IMMP2L: variants seen among roughly 807,000 people sequenced by gnomAD.
IMMP2L encodes inner mitochondrial membrane peptidase subunit 2.
Under a neutral mutation model 19.3 loss-of-function variants are expected in IMMP2L, and 18 were observed. The observed-to-expected ratio is 0.93, with a 90% confidence interval of 0.64 to 1.38. The LOEUF (loss-of-function observed/expected upper bound fraction) is 1.38. Among genes scored for constraint, IMMP2L ranks in the 40% most tolerant of loss-of-function variants. The pLI is 0.00. For missense variants in IMMP2L, 233 were observed against 218.2 expected, an observed-to-expected ratio of 1.07 and a Z score of -0.43; for synonymous variants, 76 against 73.0, an observed-to-expected ratio of 1.04 and a Z score of -0.21.
At chr7:110,994,957 G>A (rs924498003) in intron 3 of IMMP2L, among the ~76,000 whole-genome samples, 6 of 152,100 alleles carry the variant, frequency 3.9e-5, no homozygotes, top group African/African-American at 1.2e-4. Flanking sequence ...TCTGGACCTA[G>A]TAAGAAAATA....
intron 4 of IMMP2L, among the ~76,000 whole-genome samples, chr7:110,903,203 T>C (rs188020821): frequency 3.9e-5 from 6 of 152,328 alleles, no homozygotes; most frequent in African/African-American, 1.2e-4. Context: ...TATTTGAGTA[T>C]ACGTGGTATG....
intron 3 of IMMP2L, among the ~76,000 whole-genome samples, chr7:111,034,884 G>C (rs1042527435): frequency 4.6e-5 from 7 of 152,104 alleles, no homozygotes; most frequent in African/African-American, 7.2e-5. Context: ...TTAATACTTA[G>C]TAAGAGCTGA....
rs147616373 is a variant in IMMP2L at position 110,955,028 on chromosome 7, C to T, written c.305+8472G>A. On this transcript the variant is annotated intron_variant, in intron 4 of 5. Coordinates refer to ENST00000405709, the MANE Select transcript of IMMP2L (RefSeq NM_032549.4). The stretch of plus-strand genomic sequence containing the variant: ...TGCTAAACTGTTTACACAAATAATG[C>T]GTTTTTTAATCGACATTTTTCACAT... Among the ~76,000 whole-genome samples the T allele has an allele frequency of 5.1e-3, 770 of 151,970 alleles. 10 individuals are homozygous for T. Among genetic ancestry groups the T allele is most frequent in the African/African-American group, 0.018 (741 of 41,456 alleles).
chr7:110,680,392 T>G (rs1204589215), intron 5 of IMMP2L, among the ~76,000 whole-genome samples: 1 of 152,176 alleles, frequency 6.6e-6, no homozygotes. Context: ...CACCCTAGAA[T>G]GACACTTCGA....
At chr7:111,253,735 A>G (rs1444652874) in intron 3 of IMMP2L, among the ~76,000 whole-genome samples, 1 of 152,176 alleles carries the variant, frequency 6.6e-6, no homozygotes, top group Admixed American at 6.6e-5. Flanking sequence ...TAAGGCTCTC[A>G]AAGACTGCCA....
chr7:111,454,489 C>T (rs1213914150), intron 3 of IMMP2L, among the ~76,000 whole-genome samples: 1 of 152,030 alleles, frequency 6.6e-6, no homozygotes, highest in Non-Finnish European at 1.5e-5. Context: ...TATTCATTCT[C>T]AACTCACTAA....
intron 3 of IMMP2L, among the ~76,000 whole-genome samples, chr7:111,108,793 A>G (rs773590189): frequency 4.6e-5 from 7 of 152,180 alleles, no homozygotes; most frequent in Non-Finnish European, 8.8e-5. Flanking sequence ...AACAAAACAA[A>G]GGTCACAAAT....
At chr7:111,542,534 C>T (rs1848585122) in intron 1 of IMMP2L, among the ~76,000 whole-genome samples, 1 of 152,092 alleles carries the variant, frequency 6.6e-6, no homozygotes, top group Non-Finnish European at 1.5e-5. Flanking sequence ...ACCCTGTAAA[C>T]TAGGTATTTA....
chr7:110,934,328 G>A (rs1028019127), intron 4 of IMMP2L, among the ~76,000 whole-genome samples: 1 of 152,114 alleles, frequency 6.6e-6, no homozygotes, highest in Admixed American at 6.6e-5. Context: ...GATTTGGGGT[G>A]GAGAGTTCTG....
intron 5 of IMMP2L, among the ~76,000 whole-genome samples, chr7:110,825,240 T>C (rs570433453): frequency 3.9e-5 from 6 of 152,034 alleles, no homozygotes; most frequent in Non-Finnish European, 7.4e-5. Context: ...AGAATCAATA[T>C]CGTGAAAATG....
chr7:110,761,032 G>A (rs1798321418), intron 5 of IMMP2L, among the ~76,000 whole-genome samples: 1 of 152,142 alleles, frequency 6.6e-6, no homozygotes, highest in South Asian at 2.1e-4. Flanking sequence ...ATGAGTAAGG[G>A]AGAATGAGAG....
At chr7:111,049,169 C>T (rs1310067193) in intron 3 of IMMP2L, among the ~76,000 whole-genome samples, 3 of 119,434 alleles carry the variant, frequency 2.5e-5, no homozygotes, top group Non-Finnish European at 4.8e-5. Context: ...CTCGCTCTGT[C>T]GCCCAGGCTG....
At position 111,058,109 on chromosome 7, in the gene IMMP2L, T is replaced by G. The variant is rs559674810; in HGVS notation, c.240-94544A>C. On this transcript the variant is annotated intron_variant, in intron 3 of 5. Coordinates refer to ENST00000405709, the MANE Select transcript of IMMP2L (RefSeq NM_032549.4). ...AATTAAAAATTATAATGCCTTAAATTTCCACAAACACATGAATTTATCTAT... is the reference window on the plus strand; with the variant it reads ...AATTAAAAATTATAATGCCTTAAATGTCCACAAACACATGAATTTATCTAT... Among the ~76,000 whole-genome samples, 639 of 152,252 alleles carry G rather than the reference T, an allele frequency of 4.2e-3. 4 individuals are homozygous for G. Among genetic ancestry groups the G allele is most frequent in the African/African-American group, 0.015 (615 of 41,560 alleles).
At chr7:111,495,549 A>G (rs957644573) in intron 2 of IMMP2L, among the ~76,000 whole-genome samples, 2 of 152,280 alleles carry the variant, frequency 1.3e-5, no homozygotes, top group East Asian at 3.9e-4. Context: ...AAGGTATCCT[A>G]AATCCTCAGC....
chr7:110,805,869 G>A (rs78499836), intron 5 of IMMP2L, among the ~76,000 whole-genome samples: 1 of 151,776 alleles, frequency 6.6e-6, no homozygotes, highest in Non-Finnish European at 1.5e-5. Flanking sequence ...AATGCTTGGG[G>A]TATAATGCTA....
At chr7:111,119,953 T>C (rs546774995) in intron 3 of IMMP2L, among the ~76,000 whole-genome samples, 53 of 152,126 alleles carry the variant, frequency 3.5e-4, no homozygotes, top group African/African-American at 9.2e-4. Context: ...AGAGGGGAGA[T>C]TCTTGAACTG....
intron 5 of IMMP2L, among the ~76,000 whole-genome samples, chr7:110,716,215 A>G (rs2130737779): frequency 6.6e-6 from 1 of 152,042 alleles, no homozygotes; most frequent in South Asian, 2.1e-4. Context: ...GGTCTCTTGA[A>G]GAGAGGGGAT....
At position 110,907,630 on chromosome 7, in the gene IMMP2L, C is replaced by T. The variant is rs143530407; in HGVS notation, c.306-20935G>A. Among the ~76,000 whole-genome samples, 337 of 152,226 alleles carry T rather than the reference C, an allele frequency of 2.2e-3. 1 individual carries two copies. The highest frequency in any genetic ancestry group is 7.6e-3 in the African/African-American group (315 of 41,550). On this transcript the variant is annotated intron_variant, in intron 4 of 5. Coordinates refer to ENST00000405709, the MANE Select transcript of IMMP2L (RefSeq NM_032549.4). The stretch of plus-strand genomic sequence containing the variant: ...TCACTAGGGACCCACCCTCTTCTGC[C>T]CAGAATTTACCTGCCTCCTGTCCCT...
chr7:111,447,755 A>T (rs1320705948), intron 3 of IMMP2L, among the ~76,000 whole-genome samples: 1 of 151,770 alleles, frequency 6.6e-6, no homozygotes, highest in African/African-American at 2.4e-5. Context: ...TAAAAGACAC[A>T]GACTGGCAAG....
Sources: allele counts gnomAD v4.1 joint callset (sites outside exome capture counted in the v4.1 genomes callset), GRCh38; gene constraint gnomAD v4.1.1; transcripts MANE v1.5; gene names NCBI Gene and HGNC (gene_info 2026-07-23, HGNC 2026-07-21).